The following SEMA3C variants were observed in gnomAD, a reference collection of about 807,000 sequenced individuals.
The protein encoded by SEMA3C is semaphorin 3C, also known as semaphorin-3C.
SEMA3C carries 47 observed loss-of-function variants against 89.4 expected under a neutral mutation model. The ratio of observed to expected loss-of-function variants is 0.53; its 90% CI spans 0.42 to 0.67. The LOEUF (loss-of-function observed/expected upper bound fraction) is 0.67, where lower values mean the gene tolerates loss of function less well. Ranked by LOEUF, SEMA3C falls within the 30% of genes least tolerant of loss-of-function variation. The probability of loss-of-function intolerance (pLI) is 0.00; values close to 1 mark genes in which losing one functional copy is unlikely to be tolerated. For synonymous variants in SEMA3C, 310 were observed against 320.2 expected (o/e 0.97, Z 0.34); for missense variants, 839 against 929.1 (o/e 0.90, Z 1.26).
chr7:80,837,304 G>A (rs561014637), intron 2 of SEMA3C, among the ~76,000 whole-genome samples: 21 of 152,260 alleles, frequency 1.4e-4, no homozygotes, highest in Non-Finnish European at 2.2e-4. Flanking sequence ...GAGAATTACC[G>A]TATTTTGTGA....
intron 4 of SEMA3C, among the ~76,000 whole-genome samples, chr7:80,825,583 A>C (rs1789853801): frequency 6.6e-6 from 1 of 152,194 alleles, no homozygotes; most frequent in Non-Finnish European, 1.5e-5. Flanking sequence ...TGACTTGTCT[A>C]AGATTCTTCA....
At chr7:80,898,501 G>A (rs77544739) in intron 2 of SEMA3C, among the ~76,000 whole-genome samples, 4,266 of 152,136 alleles carry the variant, frequency 0.028, 141 homozygotes, top group African/African-American at 0.081. Flanking sequence ...CAGAGTAATT[G>A]TATTAATAAG....
chr7:80,831,052 T>C (rs376695690), intron 2 of SEMA3C, among the ~76,000 whole-genome samples: 2 of 152,314 alleles, frequency 1.3e-5, no homozygotes, highest in East Asian at 1.9e-4. Flanking sequence ...AGGGCTATGA[T>C]TCATGGTTGT....
intron 2 of SEMA3C, among the ~76,000 whole-genome samples, chr7:80,902,572 A>C (rs1291185280): frequency 6.6e-6 from 1 of 152,238 alleles, no homozygotes; most frequent in East Asian, 1.9e-4. Context: ...ACAACTATAA[A>C]TTTCCATGGT....
chr7:80,773,120 A>C (rs1387629512), intron 12 of SEMA3C, among the ~76,000 whole-genome samples: 2 of 152,204 alleles, frequency 1.3e-5, no homozygotes, highest in African/African-American at 4.8e-5. Context: ...GAAAGCTAAC[A>C]AATTAGTTTT....
At chr7:80,919,096 C>G, upstream of SEMA3C, 1 of 985,082 alleles carries the variant, frequency 1.0e-6, no homozygotes, top group African/African-American at 1.7e-5. Flanking sequence ...TCTTGGTGTC[C>G]GATTACAGCG....
intron 2 of SEMA3C, among the ~76,000 whole-genome samples, chr7:80,891,394 T>TA (rs753928065): frequency 7.2e-5 from 11 of 152,106 alleles, no homozygotes; most frequent in Non-Finnish European, 8.8e-5. Flanking sequence ...ACTGCTTCCC[T>TA]AGTAGCAACA....
upstream of SEMA3C, among the ~76,000 whole-genome samples, chr7:80,921,037 GAA>G (rs761398318): frequency 6.6e-6 from 1 of 152,146 alleles, no homozygotes; most frequent in Non-Finnish European, 1.5e-5. Flanking sequence ...TTAAGTTTGA[GAA>G]AACCACGATA....
intron 12 of SEMA3C, among the ~76,000 whole-genome samples, chr7:80,769,075 A>T (rs1014966947): frequency 1.3e-5 from 2 of 152,110 alleles, no homozygotes; most frequent in Admixed American, 1.3e-4. Flanking sequence ...ATCTTTAATC[A>T]TTATGGATAT....
chr7:80,746,586 A>G (rs1249984281), intron 17 of SEMA3C, among the ~76,000 whole-genome samples: 1 of 152,054 alleles, frequency 6.6e-6, no homozygotes, highest in African/African-American at 2.4e-5. Context: ...GGTATTTTTG[A>G]TAAGAGGAAA....
chr7:80,894,585 C>A (rs1224237397), intron 2 of SEMA3C, among the ~76,000 whole-genome samples: 2 of 152,228 alleles, frequency 1.3e-5, no homozygotes, highest in East Asian at 1.9e-4. Flanking sequence ...TGAAGGCAGA[C>A]GACTGACTAT....
chr7:80,863,915 CAT>C (rs933532792), intron 2 of SEMA3C, among the ~76,000 whole-genome samples: 2 of 117,080 alleles, frequency 1.7e-5, no homozygotes, highest in African/African-American at 4.2e-5. Context: ...ATATATATCA[CAT>C]ATATATCATA....
At chr7:80,748,872 G>C (rs1289260636) in intron 17 of SEMA3C, 26 bp downstream of exon 17, 1 of 1,591,620 alleles carries the variant, frequency 6.3e-7, no homozygotes. Flanking sequence ...AGCCCTGATG[G>C]ATTGCTGCTG....
At chr7:80,789,911 A>G (rs1169188619) in intron 11 of SEMA3C, among the ~76,000 whole-genome samples, 1 of 152,142 alleles carries the variant, frequency 6.6e-6, no homozygotes, top group Non-Finnish European at 1.5e-5. Flanking sequence ...AATAAATTAT[A>G]TTATTATCAT....
At chr7:80,827,603 T>A in intron 3 of SEMA3C, 116 bp from the exon 4 acceptor site, 3 of 597,970 alleles carry the variant, frequency 5.0e-6, no homozygotes, top group South Asian at 5.5e-5. Flanking sequence ...ACTAAGACTT[T>A]AAAATTCTTT....
At chr7:80,791,653 T>C (rs1470895221) in intron 11 of SEMA3C, among the ~76,000 whole-genome samples, 1 of 152,160 alleles carries the variant, frequency 6.6e-6, no homozygotes, top group Non-Finnish European at 1.5e-5. Context: ...AGGAATAAAA[T>C]CCTCGTGCTT....
intron 12 of SEMA3C, among the ~76,000 whole-genome samples, chr7:80,768,340 C>T (rs542109103): frequency 1.3e-3 from 201 of 152,046 alleles, no homozygotes; most frequent in Non-Finnish European, 2.4e-3. Context: ...AGTGAAACCC[C>T]GTCTCTACTA....
At chr7:80,774,978 C>A (rs1386867384) in intron 12 of SEMA3C, among the ~76,000 whole-genome samples, 3 of 151,600 alleles carry the variant, frequency 2.0e-5, no homozygotes, top group African/African-American at 7.3e-5. Flanking sequence ...AGAAAAAATA[C>A]ATTGTCATGG....
chr7:80,840,560 G>GAGAT, intron 2 of SEMA3C, among the ~76,000 whole-genome samples: 1 of 148,564 alleles, frequency 6.7e-6, no homozygotes, highest in Non-Finnish European at 1.5e-5. Flanking sequence ...GAGAGAGAGA[G>GAGAT]CGCGATGGTA....
Sources: allele counts gnomAD v4.1 joint callset (sites outside exome capture counted in the v4.1 genomes callset), GRCh38; gene constraint gnomAD v4.1.1; transcripts MANE v1.5; gene names NCBI Gene and HGNC (gene_info 2026-07-23, HGNC 2026-07-21).